ASTN2: variants seen among roughly 807,000 people sequenced by gnomAD.
ASTN2 encodes the protein astrotactin-2.
A neutral mutation model predicts 139.8 loss-of-function variants in ASTN2; 54 were observed. The observed-to-expected ratio is 0.39, with a 90% CI of 0.31 to 0.48. The LOEUF (loss-of-function observed/expected upper bound fraction) is 0.48. Among genes scored for constraint, ASTN2 ranks in the 20% least tolerant of loss-of-function variants. ASTN2 has a pLI of 0.95. For synonymous variants in ASTN2, 756 were observed against 719.5 expected, an observed-to-expected ratio of 1.05 and a Z score of -0.81; for missense variants, 1,565 against 1,725.1, an observed-to-expected ratio of 0.91 and a Z score of 1.64.
intron 1 of ASTN2, among the ~76,000 whole-genome samples, chr9:117,295,558 C>T (rs1046965612): frequency 5.9e-5 from 9 of 151,966 alleles, no homozygotes; most frequent in African/African-American, 2.2e-4. Context: ...ATTTCAAATA[C>T]TCATGCCCTT....
intron 1 of ASTN2, among the ~76,000 whole-genome samples, chr9:117,363,318 A>G (rs1186711268): frequency 6.6e-6 from 1 of 152,218 alleles, no homozygotes; most frequent in Non-Finnish European, 1.5e-5. Context: ...AGAAAGAGAA[A>G]TAAAACAAAT....
intron 4 of ASTN2, among the ~76,000 whole-genome samples, chr9:117,105,036 C>T (rs1423308867): frequency 6.6e-6 from 1 of 152,088 alleles, no homozygotes; most frequent in Non-Finnish European, 1.5e-5. Context: ...GAACATCCCA[C>T]TCCTCCCTGT....
chr9:117,110,538 A>AAAAT (rs1337667850), intron 4 of ASTN2, among the ~76,000 whole-genome samples: 1 of 152,254 alleles, frequency 6.6e-6, no homozygotes, highest in Non-Finnish European at 1.5e-5. Flanking sequence ...CTATGTTAAC[A>AAAAT]AAATGATTAA....
intron 11 of ASTN2, among the ~76,000 whole-genome samples, chr9:116,850,034 A>G (rs1337585149): frequency 6.6e-6 from 1 of 152,200 alleles, no homozygotes; most frequent in Non-Finnish European, 1.5e-5. Context: ...CAGATGCCAT[A>G]TATGTTGGAC....
intron 2 of ASTN2, among the ~76,000 whole-genome samples, chr9:117,268,732 C>T (rs1246866139): frequency 2.6e-5 from 4 of 152,132 alleles, no homozygotes; most frequent in African/African-American, 7.2e-5. Flanking sequence ...TCTGACAGAT[C>T]GGGGTTTGAA....
chr9:117,332,936 T>C (rs149280436), intron 1 of ASTN2, among the ~76,000 whole-genome samples: 351 of 152,330 alleles, frequency 2.3e-3, no homozygotes, highest in African/African-American at 8.0e-3. Context: ...ATTTGTGTGA[T>C]ATGTCCAGAA....
At chr9:117,368,898 A>C (rs1829919270) in intron 1 of ASTN2, among the ~76,000 whole-genome samples, 1 of 152,208 alleles carries the variant, frequency 6.6e-6, no homozygotes, top group Admixed American at 6.5e-5. Flanking sequence ...GAACGCCCTG[A>C]ACCTTGATTG....
rs1013182149 is a variant in ASTN2 at position 117,068,546 on chromosome 9, T to C, written c.1276+27498A>G. Among the ~76,000 whole-genome samples, 8 of 116,906 alleles carry C rather than the reference T, an allele frequency of 6.8e-5. 1 individual carries two copies. The highest frequency in any genetic ancestry group is 3.7e-3 in the Middle Eastern group (1 of 272). The allele number at this position is 116,906 out of a possible 152,430, so 76.7% of individuals were successfully genotyped here. On this transcript the variant is annotated intron_variant, in intron 5 of 22. Coordinates refer to ENST00000313400, the MANE Select transcript of ASTN2 (RefSeq NM_001365068.1). ...ATAAAATGCGTTAGGGAGGATTCCC[T>C]CTTTTTCTATTGATTGGAATAGTTT...
At chr9:117,071,747 A>G (rs1418852709) in intron 5 of ASTN2, among the ~76,000 whole-genome samples, 4 of 150,586 alleles carry the variant, frequency 2.7e-5, no homozygotes, top group Non-Finnish European at 5.9e-5. Flanking sequence ...GAAAAGCGCA[A>G]TACTCGGGTG....
intron 1 of ASTN2, among the ~76,000 whole-genome samples, chr9:117,304,902 G>A (rs897121135): frequency 6.6e-6 from 1 of 152,176 alleles, no homozygotes; most frequent in Non-Finnish European, 1.5e-5. Context: ...GGGAACTAAC[G>A]ACCCTCTTGA....
intron 19 of ASTN2, among the ~76,000 whole-genome samples, chr9:116,603,192 A>G (rs1233787759): frequency 6.6e-6 from 1 of 152,212 alleles, no homozygotes; most frequent in African/African-American, 2.4e-5. Context: ...TGATTGAAAT[A>G]TGAACCATGG....
chr9:116,683,463 T>C (rs968171933), intron 16 of ASTN2, among the ~76,000 whole-genome samples: 2 of 152,236 alleles, frequency 1.3e-5, no homozygotes, highest in African/African-American at 4.8e-5. Flanking sequence ...ACTTTTGTCA[T>C]CCATAGACAT....
intron 19 of ASTN2, among the ~76,000 whole-genome samples, chr9:116,532,402 C>T (rs1368553815): frequency 4.6e-5 from 7 of 152,124 alleles, no homozygotes; most frequent in African/African-American, 1.4e-4. Flanking sequence ...TTTGTTGCCA[C>T]TGTTTTTGGT....
chr9:117,200,553 TGA>T (rs1433555351), intron 3 of ASTN2, among the ~76,000 whole-genome samples: 1 of 152,200 alleles, frequency 6.6e-6, no homozygotes, highest in Non-Finnish European at 1.5e-5. Flanking sequence ...TCTAGTTTAT[TGA>T]GAGTTTTTAA....
intron 2 of ASTN2, among the ~76,000 whole-genome samples, chr9:117,266,654 T>C (rs1011710003): frequency 1.3e-5 from 2 of 152,220 alleles, no homozygotes; most frequent in African/African-American, 4.8e-5. Context: ...CTTTAATAAG[T>C]GTGCATTTTT....
chr9:117,147,586 C>T (rs1166472356), intron 3 of ASTN2, among the ~76,000 whole-genome samples: 3 of 152,116 alleles, frequency 2.0e-5, no homozygotes, highest in African/African-American at 4.8e-5. Context: ...TTTTTTCAGA[C>T]ATCATCAGTC....
At chr9:117,025,647 C>G (rs1386872360) in intron 6 of ASTN2, among the ~76,000 whole-genome samples, 1 of 152,116 alleles carries the variant, frequency 6.6e-6, no homozygotes, top group African/African-American at 2.4e-5. Flanking sequence ...GATATTACTC[C>G]AGTGATTCAA....
chr9:117,213,517 C>T (rs1832210396), intron 3 of ASTN2, among the ~76,000 whole-genome samples: 1 of 152,054 alleles, frequency 6.6e-6, no homozygotes, highest in Non-Finnish European at 1.5e-5. Context: ...GATCTGATCA[C>T]CATATATCAT....
intron 10 of ASTN2, among the ~76,000 whole-genome samples, chr9:116,973,930 T>A (rs189528542): frequency 1.6e-4 from 24 of 152,240 alleles, no homozygotes; most frequent in African/African-American, 5.8e-4. Context: ...GCTGACAAGG[T>A]GAGAGTAAAA....
Sources: allele counts gnomAD v4.1 joint callset (sites outside exome capture counted in the v4.1 genomes callset), GRCh38; gene constraint gnomAD v4.1.1; transcripts MANE v1.5; gene names NCBI Gene and HGNC (gene_info 2026-07-23, HGNC 2026-07-21).